Variants in RECK observed in about 807,000 individuals in gnomAD.
RECK encodes the protein reversion inducing cysteine rich protein with kazal motifs, also known as reversion-inducing cysteine-rich protein with Kazal motifs.
In RECK, 69 loss-of-function variants were observed where a neutral mutation model predicts 115.1. The observed-to-expected ratio is 0.60, with a 90% CI of 0.49 to 0.73. RECK has a LOEUF of 0.73. RECK is among the 30% of genes least tolerant of loss of function. The pLI, the probability that RECK is intolerant of heterozygous loss-of-function variation, is 0.00. For missense variants in RECK, 1,047 were observed against 1,203.7 expected, an observed-to-expected ratio of 0.87 and a Z score of 1.93; for synonymous variants, 414 against 419.7, an observed-to-expected ratio of 0.99 and a Z score of 0.17.
intron 10 of RECK, among the ~76,000 whole-genome samples, chr9:36,096,274 C>T (rs1258080703): frequency 2.6e-5 from 4 of 151,396 alleles, no homozygotes; most frequent in Non-Finnish European, 5.9e-5. Context: ...TGGTGGCTCA[C>T]GCCTGTAATC....
chr9:36,117,229 A>T (rs764771548), intron 17 of RECK, 52 bp downstream of exon 17: 14 of 1,447,108 alleles, frequency 9.7e-6, no homozygotes, highest in Non-Finnish European at 1.3e-5. Flanking sequence ...AAATTGGTTT[A>T]TGATATTTTA....
chr9:36,037,098 G>A lies in RECK; in HGVS notation c.100G>A (p.Gly34Ser). 2.3e-6 allele frequency: 3 copies of A among 1,327,296 alleles called. No homozygotes were observed. Among genetic ancestry groups the A allele is most frequent in the Non-Finnish European group, 1.9e-6 (2 of 1,034,422 alleles). The allele number at this position is 1,327,296 out of a possible 1,614,324, so 82.2% of individuals were successfully genotyped here. A position where few individuals can be genotyped will look rare whatever the true frequency, so the allele number is the denominator to read the frequency against. The change falls in exon 1 of 21, where the codon GGT becomes AGT. Residue 34 changes from glycine (G) to serine (S), a missense_variant and splice_region_variant. Coordinates refer to ENST00000377966, the MANE Select transcript of RECK (RefSeq NM_021111.3). ...AGGGGGCCTGGCTCCGGGCAGTGCG[G>A]GTGAGTAACCTCCAGAGCAACGGTT... ...VAGGLAPGSAGALCCNHSKDN... is the reference protein window; with the variant it reads ...VAGGLAPGSASALCCNHSKDN...
intron 5 of RECK, 80 bp downstream of exon 5, chr9:36,063,960 ACCTCCTAGCTTTGC>A: frequency 1.5e-6 from 2 of 1,363,820 alleles, no homozygotes; most frequent in Non-Finnish European, 2.1e-6. Context: ...GGCCTTGCCC[ACCTCCTAGCTTTGC>A]AGAGGTAACC....
Position 36,123,081 on chromosome 9 carries a change from A to G in RECK, c.*36A>G, listed in dbSNP as rs1824523431. ...AAAGTGCAGAATGCTCCTCCACCTC[A>G]CTCTCCTGCCTTGAAAAAGACATTC... On this transcript the variant is annotated 3_prime_UTR_variant, in exon 21 of 21. Coordinates refer to ENST00000377966, the MANE Select transcript of RECK (RefSeq NM_021111.3). 1 of 1,524,562 alleles carries G rather than the reference A, an allele frequency of 6.6e-7. No homozygotes were observed. Among genetic ancestry groups the G allele is most frequent in the Non-Finnish European group, 9.0e-7 (1 of 1,111,572 alleles). 94.4% of individuals were successfully genotyped at this position (1,524,562 alleles called of 1,614,324 possible). A position where few individuals can be genotyped will look rare whatever the true frequency, so the allele number is the denominator to read the frequency against.
chr9:36,082,483 C>T (rs1822761552), intron 7 of RECK, among the ~76,000 whole-genome samples: 1 of 152,022 alleles, frequency 6.6e-6, no homozygotes, highest in Admixed American at 6.6e-5. Flanking sequence ...TTAACCTCTT[C>T]CTCCCATACC....
At chr9:36,050,201 A>T (rs927973070) in intron 1 of RECK, among the ~76,000 whole-genome samples, 19 of 152,152 alleles carry the variant, frequency 1.2e-4, no homozygotes, top group African/African-American at 4.1e-4. Context: ...ATTATTTTAG[A>T]TATATAATAG....
At chr9:36,093,577 G>A (rs760647358) in intron 10 of RECK, among the ~76,000 whole-genome samples, 6 of 152,116 alleles carry the variant, frequency 3.9e-5, no homozygotes, top group Non-Finnish European at 5.9e-5. Flanking sequence ...CAGTGACCTC[G>A]GAGATTGCTC....
rs1293312529 is a variant in RECK at position 36,123,031 on chromosome 9, T to C, written c.2902T>C (p.Trp968Arg). The C allele has an allele frequency of 6.2e-7, 1 of 1,613,896 alleles. No homozygotes were observed. Among genetic ancestry groups the C allele is most frequent in the Non-Finnish European group, 8.5e-7 (1 of 1,179,858 alleles). ...CTTGGGCCTTGCCTTGCACTTGCTC[T>C]GGACATATAACTGACTGCCCACGGA... ...LSLGLALHLL[W>R]TYN Residue 968 changes from tryptophan to arginine, a missense_variant, in exon 21 of 21, where the codon TGG (tryptophan) becomes CGG (arginine). Coordinates refer to ENST00000377966, the MANE Select transcript of RECK (RefSeq NM_021111.3).
intron 11 of RECK, among the ~76,000 whole-genome samples, chr9:36,101,504 A>G (rs1823565479): frequency 6.6e-6 from 1 of 152,320 alleles, no homozygotes; most frequent in Non-Finnish European, 1.5e-5. Context: ...ATTCTCTGAC[A>G]TGGCTTCGGG....
chr9:36,101,868 G>A (rs1056282499), intron 11 of RECK, among the ~76,000 whole-genome samples: 8 of 152,174 alleles, frequency 5.3e-5, no homozygotes, highest in South Asian at 2.1e-4. Context: ...GTAACAGTAC[G>A]AAGAAGTGTA....
intron 9 of RECK, among the ~76,000 whole-genome samples, chr9:36,089,194 T>C (rs1180924425): frequency 1.3e-5 from 2 of 152,176 alleles, no homozygotes; most frequent in East Asian, 3.8e-4. Flanking sequence ...TTAATAAATA[T>C]ATTTATGGGA....
intron 6 of RECK, among the ~76,000 whole-genome samples, chr9:36,078,137 G>A (rs572819670): frequency 3.3e-4 from 50 of 152,338 alleles, no homozygotes; most frequent in African/African-American, 1.2e-3. Flanking sequence ...CCAAAAACAG[G>A]TGGCAGGCAA....
chr9:36,077,865 A>C (rs1822509900), intron 6 of RECK, among the ~76,000 whole-genome samples: 2 of 151,964 alleles, frequency 1.3e-5, no homozygotes, highest in Middle Eastern at 3.4e-3. Context: ...GAGATCATTC[A>C]CTCTCTGTTT....
chr9:36,087,854 A>G lies in RECK; in HGVS notation c.798A>G (p.Glu266=). The change falls in exon 9 of 21, where the codon GAA becomes GAG. Residue 266 remains glutamate, a synonymous_variant. Transcript: ENST00000377966. ...ATCCTCTTTGGCAATGTTTTCTTGA[A>G]AGCTCACAATCTGTTCACCCTGGAG... ...PQDPLWQCFL[E]SSQSVHPGVT... is the part of the protein sequence containing the mutation. 1 of 1,613,998 alleles carries G rather than the reference A, an allele frequency of 6.2e-7. No homozygotes were observed. Among genetic ancestry groups the G allele is most frequent in the Non-Finnish European group, 8.5e-7 (1 of 1,179,944 alleles).
chr9:36,121,104 C>G (rs1824445164), intron 19 of RECK, among the ~76,000 whole-genome samples: 1 of 152,226 alleles, frequency 6.6e-6, no homozygotes, highest in Non-Finnish European at 1.5e-5. Flanking sequence ...AGTCCCCGTG[C>G]CTCCTGAGGG....
intron 6 of RECK, among the ~76,000 whole-genome samples, chr9:36,068,272 T>C (rs1488895306): frequency 1.3e-5 from 2 of 152,186 alleles, no homozygotes; most frequent in Admixed American, 1.3e-4. Context: ...GAGTCAAATA[T>C]TCAAGAATAA....
At chr9:36,078,665 A>G (rs1249931504) in intron 6 of RECK, among the ~76,000 whole-genome samples, 4 of 152,300 alleles carry the variant, frequency 2.6e-5, no homozygotes, top group Non-Finnish European at 5.9e-5. Flanking sequence ...AACTAGAAAA[A>G]TATCAAATAC....
intron 6 of RECK, among the ~76,000 whole-genome samples, 197 bp from the exon 7 acceptor site, chr9:36,080,408 G>C (rs189118817): frequency 4.6e-5 from 7 of 152,264 alleles, no homozygotes; most frequent in Admixed American, 4.6e-4. Flanking sequence ...TAGTCATCTT[G>C]ATCCTGATAT....
chr9:36,037,358 C>T (rs771908438), intron 1 of RECK, among the ~76,000 whole-genome samples: 4 of 151,864 alleles, frequency 2.6e-5, no homozygotes, highest in Non-Finnish European at 5.9e-5. Flanking sequence ...CGGGCCCCCT[C>T]TTCGGCACTG....
Sources: allele counts gnomAD v4.1 joint callset (sites outside exome capture counted in the v4.1 genomes callset), GRCh38; gene constraint gnomAD v4.1.1; transcripts MANE v1.5; gene names NCBI Gene and HGNC (gene_info 2026-07-23, HGNC 2026-07-21).